The following SEC24A variants were observed in gnomAD, a reference collection of about 807,000 sequenced individuals.
SEC24A encodes the protein SEC24 homolog A, COPII component.
Under a neutral mutation model 129.4 loss-of-function variants are expected in SEC24A, and 93 were observed. That is an observed-to-expected ratio of 0.72 (90% CI 0.61 to 0.85). The LOEUF is 0.85. SEC24A is among the 40% of genes least tolerant of loss of function. The pLI is 0.00. For synonymous variants in SEC24A, 460 were observed against 467.3 expected (o/e 0.98, Z 0.20); for missense variants, 1,264 against 1,307.4 (o/e 0.97, Z 0.51).
chr5:134,699,444 G>A (rs149343961), intron 15 of SEC24A, among the ~76,000 whole-genome samples: 1,997 of 151,514 alleles, frequency 0.013, 35 homozygotes, highest in African/African-American at 0.046. Flanking sequence ...GACTACAGGC[G>A]CCTGCCACCA....
chr5:134,718,242 C>T, intron 20 of SEC24A, 69 bp downstream of exon 20: 1 of 1,125,528 alleles, frequency 8.9e-7, no homozygotes, highest in Non-Finnish European at 1.4e-6. Context: ...CATTTGGTTT[C>T]ATTCCCTTTA....
intron 11 of SEC24A, among the ~76,000 whole-genome samples, chr5:134,691,351 TAG>T: frequency 6.7e-6 from 1 of 150,266 alleles, no homozygotes; most frequent in Admixed American, 6.6e-5. Flanking sequence ...ATATTTTTAG[TAG>T]AGACAGGGTT....
chr5:134,695,503 T>G (rs1423350150), intron 13 of SEC24A, among the ~76,000 whole-genome samples: 1 of 151,650 alleles, frequency 6.6e-6, no homozygotes, highest in Non-Finnish European at 1.5e-5. Context: ...AATACAAAAA[T>G]TGGCCGGGCA....
chr5:134,652,137 G>T (rs1018971762), intron 1 of SEC24A, among the ~76,000 whole-genome samples: 1 of 151,606 alleles, frequency 6.6e-6, no homozygotes, highest in African/African-American at 2.4e-5. Flanking sequence ...GGTCAGGCTG[G>T]TCTCAAACTC....
intron 18 of SEC24A, among the ~76,000 whole-genome samples, chr5:134,714,694 T>C (rs1464843508): frequency 6.6e-6 from 1 of 152,220 alleles, no homozygotes; most frequent in Admixed American, 6.5e-5. Flanking sequence ...TCATCCTTCC[T>C]ATGGTGTTGC....
rs1454647808 is a variant in SEC24A at position 134,703,816 on chromosome 5, C to G, written c.2324C>G (p.Ser775Cys). The G allele has an allele frequency of 6.2e-7, 1 of 1,613,144 alleles. No individual in the cohort carries two copies. The highest frequency in any genetic ancestry group is 8.5e-7 in the Non-Finnish European group (1 of 1,179,142). ...TTTGTTAGGTCAACCGACTTACTGT[C>G]TTTGCCTAACGTCAACCCAGACGCT... ...NFFVRSTDLL[S>C]LPNVNPDAGY... Residue 775 changes from serine (S) to cysteine (C), a missense_variant, in exon 16 of 23, where the codon TCT (serine) becomes TGT (cysteine). By Grantham distance (112) the Ser-to-Cys change is moderately radical. Coordinates refer to ENST00000398844, the MANE Select transcript of SEC24A (RefSeq NM_021982.3).
rs141159472 is a variant in SEC24A at position 134,706,235 on chromosome 5, T to C, written c.2551+798T>C. On this transcript the variant is annotated intron_variant, in intron 17 of 22. Coordinates refer to ENST00000398844, the MANE Select transcript of SEC24A (RefSeq NM_021982.3). The stretch of plus-strand genomic sequence containing the variant: ...ATATTAGTGCTGTTTAATACTCTTT[T>C]TATGAGAAGCAGTGTACCATAAAGA... Among the ~76,000 whole-genome samples, 286 of 152,300 alleles carry C rather than the reference T, an allele frequency of 1.9e-3. 4 individuals carry two copies. Among genetic ancestry groups the C allele is most frequent in the Admixed American group, 0.016 (245 of 15,284 alleles).
chr5:134,685,190 C>T (rs1353891249), intron 9 of SEC24A, among the ~76,000 whole-genome samples: 1 of 151,892 alleles, frequency 6.6e-6, no homozygotes, highest in East Asian at 1.9e-4. Context: ...GGCAATGTAG[C>T]GAGACCCAAG....
intron 1 of SEC24A, among the ~76,000 whole-genome samples, chr5:134,653,323 C>T (rs976628919): frequency 6.6e-6 from 1 of 152,148 alleles, no homozygotes; most frequent in African/African-American, 2.4e-5. Flanking sequence ...GATCATGGCT[C>T]ACTGCAGCCT....
chr5:134,699,853 A>G (rs1751949622), intron 15 of SEC24A, among the ~76,000 whole-genome samples: 1 of 151,394 alleles, frequency 6.6e-6, no homozygotes, highest in Non-Finnish European at 1.5e-5. Flanking sequence ...GGTGCCTGAC[A>G]CTACGCCTGA....
chr5:134,685,795 T>A (rs757833986), intron 9 of SEC24A, among the ~76,000 whole-genome samples: 3 of 152,110 alleles, frequency 2.0e-5, no homozygotes, highest in Non-Finnish European at 4.4e-5. Flanking sequence ...AAGACCAGCC[T>A]GGCCAAAATG....
chr5:134,660,857 T>C (rs1750432191), intron 1 of SEC24A, among the ~76,000 whole-genome samples: 1 of 152,130 alleles, frequency 6.6e-6, no homozygotes, highest in Non-Finnish European at 1.5e-5. Context: ...GCGCTGGCCT[T>C]CATTGTGGTT....
At chr5:134,663,188 C>G (rs1469941659) in intron 2 of SEC24A, among the ~76,000 whole-genome samples, 1 of 152,050 alleles carries the variant, frequency 6.6e-6, no homozygotes, top group Non-Finnish European at 1.5e-5. Context: ...AGCTATCCTC[C>G]CGCCTCACCT....
chr5:134,657,058 C>T (rs542164571), intron 1 of SEC24A, among the ~76,000 whole-genome samples: 28 of 151,824 alleles, frequency 1.8e-4, no homozygotes, highest in African/African-American at 4.1e-4. Context: ...TAATGGTGCA[C>T]GCCTGTAGGC....
chr5:134,682,005 G>A (rs556943042), intron 8 of SEC24A, among the ~76,000 whole-genome samples: 1 of 152,236 alleles, frequency 6.6e-6, no homozygotes, highest in Admixed American at 6.5e-5. Context: ...ACTTTGGGAG[G>A]CCAAGGCGGG....
At chr5:134,691,502 C>CTTT (rs557222613) in intron 11 of SEC24A, among the ~76,000 whole-genome samples, 1 of 125,394 alleles carries the variant, frequency 8.0e-6, no homozygotes. Flanking sequence ...TGTGGGCCTT[C>CTTT]TTTTTTTTTT....
At chr5:134,720,498 T>A (rs1442640271) in intron 20 of SEC24A, among the ~76,000 whole-genome samples, 1 of 152,224 alleles carries the variant, frequency 6.6e-6, no homozygotes, top group Admixed American at 6.5e-5. Context: ...CCTCCATATC[T>A]TCCTTGTTTC....
intron 8 of SEC24A, among the ~76,000 whole-genome samples, chr5:134,680,629 C>T (rs923150200): frequency 1.3e-5 from 2 of 151,570 alleles, no homozygotes; most frequent in African/African-American, 4.8e-5. Flanking sequence ...CCACTGCACC[C>T]GGCCAAGAGT....
chr5:134,658,431 C>T (rs557901353), intron 1 of SEC24A, among the ~76,000 whole-genome samples: 57 of 152,188 alleles, frequency 3.7e-4, no homozygotes, highest in African/African-American at 1.3e-3. Context: ...TTTTGAGACA[C>T]GTTCTCACTC....
Sources: gnomAD v4.1 joint callset for allele counts (sites outside exome capture counted in the v4.1 genomes callset) on GRCh38, gnomAD v4.1.1 for gene constraint, MANE v1.5 for transcripts, NCBI Gene and HGNC (gene_info 2026-07-23, HGNC 2026-07-21) for gene names.